ABL2: variants seen among roughly 807,000 people sequenced by gnomAD.
The protein encoded by ABL2 is tyrosine-protein kinase ABL2.
ABL2 carries 49 observed loss-of-function variants against 107.7 expected under a neutral mutation model. The ratio of observed to expected loss-of-function variants is 0.45; its 90% confidence interval spans 0.36 to 0.58. The LOEUF is 0.58. Ranked by LOEUF, ABL2 falls within the 20% of genes least tolerant of loss-of-function variation. The pLI is 0.00. For synonymous variants in ABL2, 549 were observed against 548.6 expected (o/e 1.00, Z -0.01); for missense variants, 1,245 against 1,457.0 (o/e 0.85, Z 2.37).
At chr1:179,183,345 C>G (rs1327887685) in intron 1 of ABL2, among the ~76,000 whole-genome samples, 1 of 152,002 alleles carries the variant, frequency 6.6e-6, no homozygotes, top group Non-Finnish European at 1.5e-5. Context: ...GTACTTGTAC[C>G]ACTTAAATTT....
chr1:179,131,792 A>G (rs1206093531), intron 2 of ABL2, among the ~76,000 whole-genome samples: 1 of 152,258 alleles, frequency 6.6e-6, no homozygotes, highest in African/African-American at 2.4e-5. Flanking sequence ...AAAATGGAAA[A>G]AAGAATCTCA....
chr1:179,229,668 T>C lies in ABL2; in HGVS notation c.-271A>G, dbSNP rs1172412517. 9.4e-6 allele frequency: 4 copies of C among 425,726 alleles called. No homozygotes were observed. Among genetic ancestry groups the C allele is most frequent in the African/African-American group, 4.9e-5 (2 of 41,158 alleles). 26.4% of individuals were successfully genotyped at this position (425,726 alleles called of 1,614,324 possible). A position where few individuals can be genotyped will look rare whatever the true frequency, so the allele number is the denominator to read the frequency against. On this transcript the variant is annotated 5_prime_UTR_variant, in exon 1 of 12. It removes an upstream start codon present in the reference 5' UTR. Transcript: ENST00000502732. The stretch of plus-strand genomic sequence containing the variant: ...GCCGCCGCCGCCACCGCCGCCGCCA[T>C]CTTTAAACCACCGAGCGCTGGGAAA...
chr1:179,135,042 C>T (rs1490383471), intron 1 of ABL2, among the ~76,000 whole-genome samples: 11 of 152,224 alleles, frequency 7.2e-5, no homozygotes, highest in Non-Finnish European at 1.6e-4. Context: ...CTCAATGGTG[C>T]CCAGGCTGGA....
chr1:179,186,455 T>A (rs954464157), intron 1 of ABL2, among the ~76,000 whole-genome samples: 1 of 152,098 alleles, frequency 6.6e-6, no homozygotes, highest in Admixed American at 6.5e-5. Context: ...CTTGGCTCAC[T>A]GAAATCTCCG....
chr1:179,135,595 G>A (rs1449910455), intron 1 of ABL2, among the ~76,000 whole-genome samples: 4 of 151,864 alleles, frequency 2.6e-5, no homozygotes, highest in African/African-American at 9.7e-5. Flanking sequence ...GTCCGGGAGG[G>A]AGGTGGGGGG....
At position 179,107,884 on chromosome 1, in the gene ABL2, G is replaced by A. The variant is rs1032424324; in HGVS notation, c.3383C>T (p.Pro1128Leu). The A allele has an allele frequency of 2.5e-6, 4 of 1,614,124 alleles. No individual in the cohort carries two copies. In the Admixed American group the frequency reaches 6.7e-5, roughly 27 times the overall value. The change falls in exon 12 of 12, where the codon CCT becomes CTT. Residue 1128 changes from proline (P) to leucine (L), a missense_variant. This residue lies in a region of ABL2 where 761 missense variants were observed against 766.4 expected (regional missense o/e 0.99). Transcript: ENST00000502732. Reference sequence around the variant, plus strand: ...GAAGGCAAATTTGTTGCGAGTTTGAGGGATGCAGTCCACATAGCCTGAGCA... The same window carrying A: ...GAAGGCAAATTTGTTGCGAGTTTGAAGGATGCAGTCCACATAGCCTGAGCA... ...DYCSGYVDCIPQTRNKFAFRE... is the reference protein window; with the variant it reads ...DYCSGYVDCILQTRNKFAFRE...
intron 1 of ABL2, among the ~76,000 whole-genome samples, chr1:179,189,376 C>T (rs778688315): frequency 6.6e-5 from 10 of 152,092 alleles, no homozygotes; most frequent in African/African-American, 1.7e-4. Flanking sequence ...TCAGGTGATC[C>T]GCCCACCTTG....
At chr1:179,229,192 C>CCCCCCCCCCCCCCCCCCCCCCCCCCAG in intron 1 of ABL2, 49 bp downstream of exon 1, 1 of 1,106,990 alleles carries the variant, frequency 9.0e-7, no homozygotes, top group Non-Finnish European at 1.2e-6. Flanking sequence ...GCCCCGACCC[C>CCCCCCCCCCCCCCCCCCCCCCCCCCAG]ACCCCCGGCC....
chr1:179,130,308 T>C (rs573758150), intron 3 of ABL2, among the ~76,000 whole-genome samples: 3 of 152,260 alleles, frequency 2.0e-5, no homozygotes, highest in Non-Finnish European at 4.4e-5. Flanking sequence ...ACTCAGAATG[T>C]CTGCGAACTT....
At chr1:179,206,075 A>G (rs1661954469) in intron 1 of ABL2, among the ~76,000 whole-genome samples, 2 of 152,220 alleles carry the variant, frequency 1.3e-5, no homozygotes, top group African/African-American at 4.8e-5. Flanking sequence ...TCACACAGCT[A>G]AGAAAGTGAT....
At chr1:179,117,945 C>A (rs1323363050) in intron 7 of ABL2, among the ~76,000 whole-genome samples, 1 of 150,934 alleles carries the variant, frequency 6.6e-6, no homozygotes, top group Non-Finnish European at 1.5e-5. Context: ...ATGGCGAAAC[C>A]CAGTCTACAA....
chr1:179,181,076 T>C (rs1660351063), intron 1 of ABL2, among the ~76,000 whole-genome samples: 1 of 152,248 alleles, frequency 6.6e-6, no homozygotes, highest in East Asian at 1.9e-4. Flanking sequence ...ACAGTACAGC[T>C]GTCTGTCCAG....
chr1:179,214,742 T>C (rs1447829554), intron 1 of ABL2, among the ~76,000 whole-genome samples: 3 of 151,852 alleles, frequency 2.0e-5, no homozygotes, highest in African/African-American at 7.3e-5. Context: ...TATAAACAAG[T>C]ATTCATCAAT....
intron 3 of ABL2, among the ~76,000 whole-genome samples, chr1:179,129,816 G>C (rs544571448): frequency 6.6e-6 from 1 of 152,010 alleles, no homozygotes; most frequent in Admixed American, 6.6e-5. Context: ...CTATCCAAAA[G>C]CAGGAAGTAA....
intron 3 of ABL2, among the ~76,000 whole-genome samples, chr1:179,129,705 T>A (rs1446774174): frequency 1.3e-5 from 2 of 151,922 alleles, no homozygotes; most frequent in African/African-American, 2.4e-5. Context: ...AAAAAATTCT[T>A]TGATGTCTTT....
intron 1 of ABL2, among the ~76,000 whole-genome samples, chr1:179,146,034 C>T (rs1040732519): frequency 6.6e-6 from 1 of 151,868 alleles, no homozygotes; most frequent in African/African-American, 2.4e-5. Flanking sequence ...GCTGGGATTA[C>T]AAGGTGTGCA....
intron 3 of ABL2, among the ~76,000 whole-genome samples, chr1:179,128,876 G>T (rs1004231544): frequency 2.0e-5 from 3 of 151,970 alleles, no homozygotes; most frequent in East Asian, 3.9e-4. Flanking sequence ...TAGAGACAGG[G>T]GTCTCACTAC....
intron 1 of ABL2, among the ~76,000 whole-genome samples, chr1:179,133,865 T>A (rs1273445703): frequency 1.3e-5 from 2 of 152,174 alleles, no homozygotes; most frequent in Non-Finnish European, 2.9e-5. Flanking sequence ...TATATTGTAA[T>A]AAAATTTATG....
chr1:179,223,181 A>G (rs1037768872), intron 1 of ABL2, among the ~76,000 whole-genome samples: 2 of 151,660 alleles, frequency 1.3e-5, no homozygotes, highest in Admixed American at 6.6e-5. Flanking sequence ...TGGGAGGCCA[A>G]GGTGGGAGAA....
Sources: gnomAD v4.1 joint callset for allele counts (sites outside exome capture counted in the v4.1 genomes callset) on GRCh38, gnomAD v4.1.1 for gene constraint, gnomAD v4.1.1 regional missense constraint, MANE v1.5 for transcripts, NCBI Gene and HGNC (gene_info 2026-07-23, HGNC 2026-07-21) for gene names.